The following KIAA1671 variants were observed in gnomAD, a reference collection of about 807,000 sequenced individuals.
The protein encoded by KIAA1671 is KIAA1671.
In KIAA1671, 52 loss-of-function variants were observed where a neutral mutation model predicts 131.2. The observed-to-expected ratio is 0.40, with a 90% CI of 0.32 to 0.50. The LOEUF is 0.50. KIAA1671 is among the 20% of genes least tolerant of loss of function. The pLI, the probability that KIAA1671 is intolerant of heterozygous loss-of-function variation, is 0.73. For synonymous variants in KIAA1671, 1,003 were observed against 961.6 expected (o/e 1.04, Z -0.80); for missense variants, 2,360 against 2,364.2 (o/e 1.00, Z 0.04).
At chr22:25,061,149 G>A (rs1602107381) in intron 6 of KIAA1671, 1 of 152,250 alleles carries the variant, frequency 6.6e-6, no homozygotes, top group East Asian at 1.9e-4. Context: ...TGTTTTATTT[G>A]TAAAAAAGAG....
intron 6 of KIAA1671, among the ~76,000 whole-genome samples, chr22:25,129,475 C>T (rs532543023): frequency 6.6e-6 from 1 of 151,528 alleles, no homozygotes; most frequent in African/African-American, 2.4e-5. Context: ...CCATTGCACA[C>T]CAGCCTGGGC....
intron 6 of KIAA1671, among the ~76,000 whole-genome samples, chr22:25,135,812 C>T (rs1932651797): frequency 6.6e-6 from 1 of 152,220 alleles, no homozygotes; most frequent in Non-Finnish European, 1.5e-5. Flanking sequence ...ACAGCAGCCA[C>T]GTCACGACAG....
chr22:25,111,939 C>T, intron 6 of KIAA1671: 1 of 324,558 alleles, frequency 3.1e-6, no homozygotes, highest in Non-Finnish European at 5.6e-6. Flanking sequence ...GACTCCCAGC[C>T]TGGCACTTAG....
chr22:25,066,603 C>T (rs1198116651), intron 6 of KIAA1671, among the ~76,000 whole-genome samples: 1 of 152,160 alleles, frequency 6.6e-6, no homozygotes, highest in Non-Finnish European at 1.5e-5. Context: ...AAACCATAGC[C>T]CTGGAGAATC....
At chr22:25,137,300 G>A (rs2145954671) in intron 6 of KIAA1671, among the ~76,000 whole-genome samples, 1 of 152,140 alleles carries the variant, frequency 6.6e-6, no homozygotes, top group Middle Eastern at 3.4e-3. Context: ...GGAACAGGAG[G>A]ACATGGATGT....
At chr22:25,118,138 CAAAAAAA>C (rs56262467) in intron 6 of KIAA1671, among the ~76,000 whole-genome samples, 3 of 117,772 alleles carry the variant, frequency 2.5e-5, no homozygotes, top group African/African-American at 3.2e-5. Flanking sequence ...AACTCTGTCT[CAAAAAAA>C]AAAAAAAAAA....
At chr22:25,093,786 C>CTG (rs1348095449) in intron 6 of KIAA1671, among the ~76,000 whole-genome samples, 1,694 of 75,132 alleles carry the variant, frequency 0.023, 110 homozygotes, top group Non-Finnish European at 0.029. Context: ...CTCTCTCTCT[C>CTG]TCTCTCTCTC....
At chr22:24,963,848 G>A (rs1234133572) in intron 1 of KIAA1671, among the ~76,000 whole-genome samples, 2 of 151,484 alleles carry the variant, frequency 1.3e-5, no homozygotes, top group African/African-American at 4.9e-5. Context: ...GCTGAGGCAG[G>A]AGAATGGTGT....
chr22:25,040,769 G>A lies in KIAA1671; in HGVS notation c.3639G>A (p.Leu1213=). Residue 1213 remains leucine (L), a synonymous_variant, in exon 5 of 13, where the codon CTG becomes CTA. Coordinates refer to ENST00000358431, the MANE Select transcript of KIAA1671 (RefSeq NM_001145206.2). ...TGGCAGAGTACCAGGAGCTGTCGCTGAAAGTCCCTGGGGAGGCTCAGGAGA... is the reference window on the plus strand; with the variant it reads ...TGGCAGAGTACCAGGAGCTGTCGCTAAAAGTCCCTGGGGAGGCTCAGGAGA... The part of the protein sequence containing the change: ...ALMAEYQELS[L]KVPGEAQERR... The A allele has an allele frequency of 1.3e-6, 2 of 1,551,818 alleles. No homozygotes were observed. The highest frequency in any genetic ancestry group is 1.2e-5 in the South Asian group (1 of 84,052).
rs1187588515 is a variant in KIAA1671, at chr22:24,970,737, A to C, written c.-208+17965A>C. Among the ~76,000 whole-genome samples the C allele has an allele frequency of 4.6e-5, 7 of 151,418 alleles. 1 individual carries two copies. Among genetic ancestry groups the C allele is most frequent in the Admixed American group, 6.6e-5 (1 of 15,212 alleles). On this transcript the variant is annotated intron_variant, in intron 1 of 12. Transcript: ENST00000358431. ...TATCAATAGTTGATGAGCTAAAAAA[A>C]AAAACAAAACAAAACTCATAACATT... is the stretch of plus-strand genomic sequence containing the variant.
At chr22:25,104,505 G>GC (rs1930888479) in intron 6 of KIAA1671, among the ~76,000 whole-genome samples, 1 of 152,140 alleles carries the variant, frequency 6.6e-6, no homozygotes, top group African/African-American at 2.4e-5. Flanking sequence ...GACTGAACGT[G>GC]CCCCGACTTC....
Position 25,099,537 on chromosome 22 carries a change from G to GTTTTTTTT in KIAA1671, c.4530+50180_4530+50181insTTTTTTTT, listed in dbSNP as rs1223034273. Among the ~76,000 whole-genome samples the GTTTTTTTT allele has an allele frequency of 1.8e-5, 2 of 112,112 alleles. 1 individual carries two copies. Among genetic ancestry groups the GTTTTTTTT allele is most frequent in the African/African-American group, 7.9e-5 (2 of 25,448 alleles). 73.5% of individuals were successfully genotyped at this position (112,112 alleles called of 152,430 possible). ...TATAAGTTTGTCTTTCAAAATGTGGGTTTTTTTGTTTTTTTTTTTTTTTTT... is the reference window on the plus strand; with the variant it reads ...TATAAGTTTGTCTTTCAAAATGTGGGTTTTTTTTTTTTTTTGTTTTTTTTTTTTTTTTT... On this transcript the variant is annotated intron_variant, in intron 6 of 12. Transcript: ENST00000358431.
intron 6 of KIAA1671, among the ~76,000 whole-genome samples, chr22:25,124,001 G>A (rs1221035309): frequency 6.6e-6 from 1 of 152,208 alleles, no homozygotes; most frequent in Non-Finnish European, 1.5e-5. Flanking sequence ...CCCATGGTCT[G>A]TAATGTGTAG....
intron 1 of KIAA1671, among the ~76,000 whole-genome samples, chr22:24,972,922 G>A (rs1452541483): frequency 1.3e-5 from 2 of 152,196 alleles, no homozygotes; most frequent in East Asian, 1.9e-4. Context: ...TTTCGATGGG[G>A]TGGCTAGGGG....
intron 5 of KIAA1671, among the ~76,000 whole-genome samples, chr22:25,043,778 G>A (rs12168540): frequency 0.15 from 23,100 of 152,150 alleles, 1,916 homozygotes; most frequent in African/African-American, 0.19. Context: ...ACAAAGGTTT[G>A]GAGGTGGGAA....
At chr22:25,152,537 C>A (rs959313809) in intron 6 of KIAA1671, among the ~76,000 whole-genome samples, 1 of 152,182 alleles carries the variant, frequency 6.6e-6, no homozygotes, top group Non-Finnish European at 1.5e-5. Flanking sequence ...TGTATAAATG[C>A]CACACCAGGT....
At chr22:25,002,887 C>A (rs1213720493) in intron 1 of KIAA1671, among the ~76,000 whole-genome samples, 2 of 151,916 alleles carry the variant, frequency 1.3e-5, no homozygotes, top group African/African-American at 4.8e-5. Context: ...TCAAACAATT[C>A]TCCAGCCTCA....
intron 1 of KIAA1671, among the ~76,000 whole-genome samples, chr22:24,969,231 A>G (rs1394676634): frequency 6.6e-6 from 1 of 152,174 alleles, no homozygotes; most frequent in Non-Finnish European, 1.5e-5. Context: ...TTCAAAATGT[A>G]GTTGTCCCTT....
chr22:25,171,648 G>T (rs1933852347), intron 7 of KIAA1671, among the ~76,000 whole-genome samples: 1 of 152,112 alleles, frequency 6.6e-6, no homozygotes, highest in Admixed American at 6.5e-5. Context: ...CCGGGAGGTG[G>T]AGGCTGCAGT....
Sources: gnomAD v4.1 joint callset for allele counts (sites outside exome capture counted in the v4.1 genomes callset) on GRCh38, gnomAD v4.1.1 for gene constraint, MANE v1.5 for transcripts, NCBI Gene and HGNC (gene_info 2026-07-23, HGNC 2026-07-21) for gene names.